The following PLXNA2 variants were observed in gnomAD, a reference collection of about 807,000 sequenced individuals.
The protein encoded by PLXNA2 is plexin-A2.
PLXNA2 carries 91 observed loss-of-function variants against 193.5 expected under a neutral mutation model. The ratio of observed to expected loss-of-function variants is 0.47; its 90% CI spans 0.40 to 0.56. PLXNA2 has a LOEUF of 0.56. PLXNA2 is among the 20% of genes least tolerant of loss of function. The pLI, the probability that PLXNA2 is intolerant of heterozygous loss-of-function variation, is 0.00. For synonymous variants in PLXNA2, 997 were observed against 1,027.3 expected, an observed-to-expected ratio of 0.97 and a Z score of 0.56; for missense variants, 1,995 against 2,503.2, an observed-to-expected ratio of 0.80 and a Z score of 4.33.
intron 1 of PLXNA2, among the ~76,000 whole-genome samples, chr1:208,225,408 T>A (rs781386111): frequency 1.3e-5 from 2 of 151,954 alleles, no homozygotes; most frequent in African/African-American, 2.4e-5. Flanking sequence ...ACTCAAACCA[T>A]CCTCCCACAT....
chr1:208,183,422 G>A (rs984285147), intron 3 of PLXNA2, among the ~76,000 whole-genome samples: 4 of 152,160 alleles, frequency 2.6e-5, no homozygotes, highest in Admixed American at 2.0e-4. Context: ...CCGGAAAGGA[G>A]GTCTGCAGGC....
Position 208,096,714 on chromosome 1 carries a change from G to A in PLXNA2, c.1885+16C>T, listed in dbSNP as rs773609398. On this transcript the variant is annotated intron_variant, in intron 7 of 31. Coordinates refer to ENST00000367033, the MANE Select transcript of PLXNA2 (RefSeq NM_025179.4). ...GAAGCCCCTCATTTGTGGCTCTCAT[G>A]GCAGATATTTCTTACCTTGATCCAG... is the stretch of plus-strand genomic sequence containing the variant. The A allele has an allele frequency of 6.2e-7, 1 of 1,613,766 alleles. No homozygotes were observed. Among genetic ancestry groups the A allele is most frequent in the Non-Finnish European group, 8.5e-7 (1 of 1,179,812 alleles).
chr1:208,187,045 C>A (rs903238861), intron 3 of PLXNA2, among the ~76,000 whole-genome samples: 3 of 152,108 alleles, frequency 2.0e-5, no homozygotes, highest in African/African-American at 7.2e-5. Context: ...GTACAAAATC[C>A]TTCCTGTAGG....
chr1:208,035,047 C>T (rs1454774828), intron 26 of PLXNA2, among the ~76,000 whole-genome samples: 2 of 151,786 alleles, frequency 1.3e-5, no homozygotes, highest in Non-Finnish European at 1.5e-5. Context: ...GTGACTAATA[C>T]AAAAAGTTTA....
intron 9 of PLXNA2, among the ~76,000 whole-genome samples, chr1:208,087,654 G>A (rs1168961998): frequency 6.6e-6 from 1 of 152,120 alleles, no homozygotes; most frequent in Non-Finnish European, 1.5e-5. Flanking sequence ...GGTGCCCCAG[G>A]TATGCTTTCT....
chr1:208,151,556 A>G (rs1003526988), intron 3 of PLXNA2, among the ~76,000 whole-genome samples: 1 of 152,160 alleles, frequency 6.6e-6, no homozygotes, highest in Non-Finnish European at 1.5e-5. Context: ...AGGACAAGGA[A>G]ACTAGCACTT....
chr1:208,040,223 G>A, intron 22 of PLXNA2, 165 bp from the exon 23 acceptor site: 1 of 616,410 alleles, frequency 1.6e-6, no homozygotes, highest in Non-Finnish European at 2.9e-6. Flanking sequence ...TAACTAGACT[G>A]TGACCTGGGG....
intron 4 of PLXNA2, among the ~76,000 whole-genome samples, chr1:208,117,919 C>A (rs995863908): frequency 6.6e-6 from 1 of 152,170 alleles, no homozygotes; most frequent in African/African-American, 2.4e-5. Flanking sequence ...CAATTTGAGG[C>A]TGTGTTTGAG....
At chr1:208,117,767 G>A (rs1312331700) in intron 4 of PLXNA2, among the ~76,000 whole-genome samples, 2 of 152,168 alleles carry the variant, frequency 1.3e-5, no homozygotes, top group African/African-American at 4.8e-5. Context: ...TCTACAAAGT[G>A]GATCCATTTG....
chr1:208,039,612 C>G lies in PLXNA2; in HGVS notation c.4500+9G>C. Reference sequence around the variant, plus strand: ...ACACAGGCGGGCCCGGAGCTTCCGGCTTCCTCACCAGGGTCTTGTACTCGA... The same window carrying G: ...ACACAGGCGGGCCCGGAGCTTCCGGGTTCCTCACCAGGGTCTTGTACTCGA... On this transcript the variant is annotated intron_variant, in intron 24 of 31. Coordinates refer to ENST00000367033, the MANE Select transcript of PLXNA2 (RefSeq NM_025179.4). 6.2e-7 allele frequency: 1 copy of G among 1,613,246 alleles called. No homozygotes were observed. Among genetic ancestry groups the G allele is most frequent in the Admixed American group, 1.7e-5 (1 of 60,034 alleles).
At chr1:208,076,826 T>C (rs982891934) in intron 12 of PLXNA2, among the ~76,000 whole-genome samples, 3 of 152,212 alleles carry the variant, frequency 2.0e-5, no homozygotes, top group African/African-American at 4.8e-5. Flanking sequence ...GTTTATTAGA[T>C]GGTATTATTG....
At chr1:208,131,624 T>C (rs12046154) in intron 4 of PLXNA2, among the ~76,000 whole-genome samples, 8,428 of 152,138 alleles carry the variant, frequency 0.055, 551 homozygotes, top group East Asian at 0.33. Context: ...AACCTCTTAC[T>C]TAGGGCCAGG....
At position 208,027,176 on chromosome 1, in the gene PLXNA2, C is replaced by T; in HGVS notation, c.*67G>A. On this transcript the variant is annotated 3_prime_UTR_variant, in exon 32 of 32. Coordinates refer to ENST00000367033, the MANE Select transcript of PLXNA2 (RefSeq NM_025179.4). ...GGCCTGATCCCCATCACTTGTCCTT[C>T]CATCTGAGACTCCCAGTGTGACAGC... 7.3e-7 allele frequency: 1 copy of T among 1,361,060 alleles called. No individual in the cohort carries two copies. The highest frequency in any genetic ancestry group is 1.2e-5 in the South Asian group (1 of 85,368). The allele number at this position is 1,361,060 out of a possible 1,614,324, so 84.3% of individuals were successfully genotyped here.
rs560606070 is a variant in PLXNA2, at chr1:208,079,526, T to C, written c.2396-76A>G. ...ATGCACCCTCCTCTTGCAGGTGTGATAGAAATGATAGAAACTCTTCCCCAC... is the reference window on the plus strand; with the variant it reads ...ATGCACCCTCCTCTTGCAGGTGTGACAGAAATGATAGAAACTCTTCCCCAC... On this transcript the variant is annotated intron_variant, in intron 11 of 31. Coordinates refer to ENST00000367033, the MANE Select transcript of PLXNA2 (RefSeq NM_025179.4). 8.4e-5 allele frequency: 90 copies of C among 1,075,848 alleles called. No homozygotes were observed. The African/African-American group carries it at 1.3e-3, about 15-fold the overall frequency. The allele number at this position is 1,075,848 out of a possible 1,614,324, so 66.6% of individuals were successfully genotyped here. A position where few individuals can be genotyped will look rare whatever the true frequency, so the allele number is the denominator to read the frequency against.
rs148369110 is a variant in PLXNA2 at position 208,143,994 on chromosome 1, C to G, written c.1372-1531G>C. ...GCTTGTTGAAAGAGCGTGAACTGTGCACCAACTGACAGCATATCCTAGACT... is the reference window on the plus strand; with the variant it reads ...GCTTGTTGAAAGAGCGTGAACTGTGGACCAACTGACAGCATATCCTAGACT... On this transcript the variant is annotated intron_variant, in intron 3 of 31. Coordinates refer to ENST00000367033, the MANE Select transcript of PLXNA2 (RefSeq NM_025179.4). Among the ~76,000 whole-genome samples, 407 of 152,312 alleles carry G rather than the reference C, an allele frequency of 2.7e-3. 2 individuals are homozygous for G. The highest frequency in any genetic ancestry group is 9.3e-3 in the African/African-American group (388 of 41,556).
In PLXNA2 at chr1:208,140,458, C is replaced by A. The variant is rs567957677; in HGVS notation, c.1506+1871G>T. Among the ~76,000 whole-genome samples the A allele has an allele frequency of 3.9e-5, 6 of 152,278 alleles. No homozygotes were observed. In the South Asian group the frequency reaches 1.0e-3, roughly 26 times the overall value. ...CAGAGAATCTAAGAAAGAGCTCTTACCCAGAGCTACCCGCCTGGTCCTCTG... is the reference window on the plus strand; with the variant it reads ...CAGAGAATCTAAGAAAGAGCTCTTAACCAGAGCTACCCGCCTGGTCCTCTG... On this transcript the variant is annotated intron_variant, in intron 4 of 31. Transcript: ENST00000367033.
rs1664405455 is a variant in PLXNA2 at position 208,028,523 on chromosome 1, G to A, written c.5438+307C>T. Among the ~76,000 whole-genome samples the A allele has an allele frequency of 6.6e-6, 1 of 152,110 alleles. No homozygotes were observed. Among genetic ancestry groups the A allele is most frequent in the South Asian group, 2.1e-4 (1 of 4,824 alleles). ...CTCAGTTTCCTTATCAGTAAAATGG[G>A]GATAATAATAATACTGGCTTCACAA... is the stretch of plus-strand genomic sequence containing the variant. On this transcript the variant is annotated intron_variant, in intron 30 of 31. Coordinates refer to ENST00000367033, the MANE Select transcript of PLXNA2 (RefSeq NM_025179.4). The surrounding 1 kb of genome is among the most constrained non-coding windows in gnomAD (Gnocchi z 4.2).
At chr1:208,047,142 G>A (rs1342135490) in intron 17 of PLXNA2, among the ~76,000 whole-genome samples, 1 of 152,046 alleles carries the variant, frequency 6.6e-6, no homozygotes, top group Non-Finnish European at 1.5e-5. Flanking sequence ...TGTATTTTTA[G>A]TAGAGACAGG....
In PLXNA2 at chr1:208,054,538, C is replaced by T; in HGVS notation, c.2739G>A (p.Gln913=). 6.2e-7 allele frequency: 1 copy of T among 1,611,652 alleles called. No individual in the cohort carries two copies. Among genetic ancestry groups the T allele is most frequent in the Non-Finnish European group, 8.5e-7 (1 of 1,177,842 alleles). Residue 913 remains glutamine, a splice_region_variant and synonymous_variant, in exon 14 of 32, where the codon CAG becomes CAA. Transcript: ENST00000367033. Reference sequence around the variant, plus strand: ...GGGCATGGCCCATCTCACAGACAATCCTGGGGAGAAAGCAAACCTTCTGGT... The same window carrying T: ...GGGCATGGCCCATCTCACAGACAATTCTGGGGAGAAAGCAAACCTTCTGGT... The part of the protein sequence containing the change: ...PLPGEYIIAE[Q]IVCEMGHALV...
Sources: allele counts gnomAD v4.1 joint callset (sites outside exome capture counted in the v4.1 genomes callset), GRCh38; gene constraint gnomAD v4.1.1; non-coding constraint Gnocchi (gnomAD v3.1); transcripts MANE v1.5; gene names NCBI Gene and HGNC (gene_info 2026-07-23, HGNC 2026-07-21).